Variants in RALGPS1 observed in about 807,000 individuals in gnomAD.
The protein encoded by RALGPS1 is Ral GEF with PH domain and SH3 binding motif 1.
RALGPS1 carries 19 observed loss-of-function variants against 78.8 expected under a neutral mutation model. That is an observed-to-expected ratio of 0.24 (90% CI 0.17 to 0.35). RALGPS1 has a LOEUF of 0.35. RALGPS1 is among the 10% of genes least tolerant of loss of function. The probability of loss-of-function intolerance (pLI) is 1.00; values close to 1 mark genes in which losing one functional copy is unlikely to be tolerated. For synonymous variants in RALGPS1, 228 were observed against 256.3 expected, an observed-to-expected ratio of 0.89 and a Z score of 1.06; for missense variants, 454 against 688.3, an observed-to-expected ratio of 0.66 and a Z score of 3.81.
rs11450591 is a variant in RALGPS1 at position 127,127,856 on chromosome 9, GA to G, written c.611-38201del. The stretch of plus-strand genomic sequence containing the variant: ...AAGCTAGGAGGAACACGATTGTCCT[GA>G]AAAAAAAAAAATTTTGCTTGTTTTT... On this transcript the variant is annotated intron_variant, in intron 8 of 18. Transcript: ENST00000259351. 8.3e-3 allele frequency among the ~76,000 whole-genome samples: 1,235 copies of G among 149,444 alleles called. 8 individuals carry two copies. Among genetic ancestry groups the G allele is most frequent in the South Asian group, 0.038 (179 of 4,722 alleles).
rs758028269 is a variant in RALGPS1 at position 127,166,216 on chromosome 9, C to G, written c.748+10C>G. ...GTTTCCTGCAGCTATGGTTAGTACC[C>G]TTGTTGTTAGAATTGTGAAATCTTA... is the stretch of plus-strand genomic sequence containing the variant. On this transcript the variant is annotated intron_variant, in intron 9 of 18. Coordinates refer to ENST00000259351, the MANE Select transcript of RALGPS1 (RefSeq NM_014636.3). The G allele has an allele frequency of 6.2e-7, 1 of 1,611,280 alleles. No individual in the cohort carries two copies. The highest frequency in any genetic ancestry group is 8.5e-7 in the Non-Finnish European group (1 of 1,179,324).
At chr9:126,945,044 T>G (rs1321177229) in intron 1 of RALGPS1, among the ~76,000 whole-genome samples, 1 of 152,190 alleles carries the variant, frequency 6.6e-6, no homozygotes, top group Non-Finnish European at 1.5e-5. Flanking sequence ...ACATGAGTCT[T>G]CCTGTCCACA....
At chr9:126,982,429 G>C (rs371171460) in intron 4 of RALGPS1, among the ~76,000 whole-genome samples, 1 of 152,132 alleles carries the variant, frequency 6.6e-6, no homozygotes, top group South Asian at 2.1e-4. Context: ...GAGTACCTCC[G>C]TCATAGGGTT....
intron 8 of RALGPS1, among the ~76,000 whole-genome samples, chr9:127,101,554 C>T (rs2053731010): frequency 6.6e-6 from 1 of 152,220 alleles, no homozygotes; most frequent in Non-Finnish European, 1.5e-5. Context: ...TTGCTACCTT[C>T]ATTCTGTGCT....
At chr9:127,072,562 A>G (rs2050300095) in intron 8 of RALGPS1, among the ~76,000 whole-genome samples, 1 of 152,198 alleles carries the variant, frequency 6.6e-6, no homozygotes, top group Non-Finnish European at 1.5e-5. Flanking sequence ...AGGTTTTTAA[A>G]AACATAGTTT....
chr9:127,130,110 G>T (rs768099697), intron 8 of RALGPS1, among the ~76,000 whole-genome samples: 1 of 152,190 alleles, frequency 6.6e-6, no homozygotes, highest in Non-Finnish European at 1.5e-5. Context: ...TGACTTGGTC[G>T]AGTCGATAGG....
At chr9:127,061,699 C>T (rs947184109) in intron 7 of RALGPS1, among the ~76,000 whole-genome samples, 5 of 152,184 alleles carry the variant, frequency 3.3e-5, no homozygotes, top group Non-Finnish European at 7.4e-5. Flanking sequence ...TTCAGGACTA[C>T]CTCTTCCTGC....
intron 1 of RALGPS1, among the ~76,000 whole-genome samples, chr9:126,932,529 A>G (rs928251585): frequency 3.9e-5 from 6 of 152,196 alleles, no homozygotes; most frequent in African/African-American, 1.4e-4. Flanking sequence ...AAGGGATAAT[A>G]CACGTGGTAC....
intron 1 of RALGPS1, among the ~76,000 whole-genome samples, chr9:126,952,108 A>T (rs1226120784): frequency 6.6e-6 from 1 of 152,228 alleles, no homozygotes; most frequent in East Asian, 1.9e-4. Context: ...CCAACTTACA[A>T]GGGACGTGAA....
chr9:127,148,170 G>A (rs1026581325), intron 8 of RALGPS1, among the ~76,000 whole-genome samples: 5 of 152,228 alleles, frequency 3.3e-5, no homozygotes, highest in Non-Finnish European at 7.3e-5. Context: ...TGGATTCGGT[G>A]TATGAGAAGC....
intron 11 of RALGPS1, among the ~76,000 whole-genome samples, chr9:127,181,508 A>T (rs2060219278): frequency 6.6e-6 from 1 of 152,244 alleles, no homozygotes; most frequent in South Asian, 2.1e-4. Flanking sequence ...ATATATCCGT[A>T]TAGTGCAAGT....
At chr9:126,977,982 C>T (rs1464025195) in intron 4 of RALGPS1, 4 of 378,196 alleles carry the variant, frequency 1.1e-5, no homozygotes, top group African/African-American at 4.2e-5. Flanking sequence ...TTGGTACCCA[C>T]AGGACTCCAC....
At chr9:127,107,956 G>A (rs2054383861) in intron 8 of RALGPS1, 1 of 1,557,422 alleles carries the variant, frequency 6.4e-7, no homozygotes, top group South Asian at 1.2e-5. Flanking sequence ...GGTGAGAGTG[G>A]GCATAGTGGG....
chr9:126,989,820 C>A, intron 4 of RALGPS1: 1 of 1,527,460 alleles, frequency 6.5e-7, no homozygotes, highest in Non-Finnish European at 8.8e-7. Context: ...TTCACCCTTC[C>A]TGCATCAGGC....
Position 127,034,531 on chromosome 9 carries a change from G to T in RALGPS1, c.300+17G>T, listed in dbSNP as rs754388262. 2 of 1,607,226 alleles carry T rather than the reference G, an allele frequency of 1.2e-6. No homozygotes were observed. Among genetic ancestry groups the T allele is most frequent in the Non-Finnish European group, 1.7e-6 (2 of 1,173,822 alleles). On this transcript the variant is annotated intron_variant, in intron 5 of 18. Coordinates refer to ENST00000259351, the MANE Select transcript of RALGPS1 (RefSeq NM_014636.3). The stretch of plus-strand genomic sequence containing the variant: ...TTTAACCAGGTAAGCAACACCCCTT[G>T]CATGTGCCTATCCAGAGAGCAATCT...
chr9:126,962,475 GC>G, intron 2 of RALGPS1, 129 bp downstream of exon 2: 1 of 920,146 alleles, frequency 1.1e-6, no homozygotes, highest in Non-Finnish European at 1.7e-6. Context: ...CACTCCTAAG[GC>G]CCCTGGCCAT....
chr9:127,045,922 C>G (rs2047731025), intron 5 of RALGPS1, among the ~76,000 whole-genome samples: 1 of 152,194 alleles, frequency 6.6e-6, no homozygotes, highest in African/African-American at 2.4e-5. Context: ...AAGGAACCAG[C>G]GTTCCTTGGA....
At chr9:126,958,794 C>T (rs2038608071) in intron 1 of RALGPS1, among the ~76,000 whole-genome samples, 1 of 152,118 alleles carries the variant, frequency 6.6e-6, no homozygotes, top group Admixed American at 6.5e-5. Context: ...AGTAGAATTA[C>T]TGGGTCATGT....
At chr9:127,022,642 A>G (rs2134220821) in intron 4 of RALGPS1, among the ~76,000 whole-genome samples, 1 of 152,024 alleles carries the variant, frequency 6.6e-6, no homozygotes, top group South Asian at 2.1e-4. Context: ...GCCATGGGCT[A>G]CCTTGCTGTT....
Sources: allele counts gnomAD v4.1 joint callset (sites outside exome capture counted in the v4.1 genomes callset), GRCh38; gene constraint gnomAD v4.1.1; transcripts MANE v1.5; gene names NCBI Gene and HGNC (gene_info 2026-07-23, HGNC 2026-07-21).